PTPRD: variants seen among roughly 807,000 people sequenced by gnomAD.
PTPRD encodes the protein protein tyrosine phosphatase receptor type D, also known as receptor-type tyrosine-protein phosphatase delta.
A neutral mutation model predicts 214.5 loss-of-function variants in PTPRD; 34 were observed. The ratio of observed to expected loss-of-function variants is 0.16; its 90% confidence interval spans 0.12 to 0.21. The LOEUF (loss-of-function observed/expected upper bound fraction) is 0.21. PTPRD is among the 10% of genes least tolerant of loss of function. The pLI is 1.00. For missense variants in PTPRD, 2,545 were observed against 2,398.7 expected, an observed-to-expected ratio of 1.06 and a Z score of -1.27; for synonymous variants, 1,128 against 845.7, an observed-to-expected ratio of 1.33 and a Z score of -5.79.
chr9:8,785,315 C>G (rs925156128), intron 11 of PTPRD, among the ~76,000 whole-genome samples: 1 of 152,162 alleles, frequency 6.6e-6, no homozygotes, highest in African/African-American at 2.4e-5. Flanking sequence ...AGAGTTAGTG[C>G]AAAAGGAATT....
chr9:8,741,562 A>ATTT (rs2091929019), intron 11 of PTPRD, among the ~76,000 whole-genome samples: 3 of 74,112 alleles, frequency 4.0e-5, no homozygotes, highest in Non-Finnish European at 5.3e-5. Flanking sequence ...AATCTCAGGC[A>ATTT]TTTCTTTTTT....
intron 5 of PTPRD, among the ~76,000 whole-genome samples, chr9:9,837,500 A>G (rs951547672): frequency 6.6e-6 from 1 of 152,130 alleles, no homozygotes; most frequent in Non-Finnish European, 1.5e-5. Context: ...CGCATATAAA[A>G]GTCAAAAGGG....
chr9:9,273,443 T>C (rs1478340753), intron 9 of PTPRD, among the ~76,000 whole-genome samples: 1 of 151,300 alleles, frequency 6.6e-6, no homozygotes, highest in Non-Finnish European at 1.5e-5. Flanking sequence ...ATAGCAGATA[T>C]TGAGCAGAAC....
At chr9:9,047,997 A>C (rs1046223054) in intron 10 of PTPRD, among the ~76,000 whole-genome samples, 1 of 152,180 alleles carries the variant, frequency 6.6e-6, no homozygotes, top group Non-Finnish European at 1.5e-5. Context: ...AAAATATTTG[A>C]ATAGACATTT....
chr9:8,481,519 A>C (rs936404194), intron 30 of PTPRD, among the ~76,000 whole-genome samples: 1 of 151,814 alleles, frequency 6.6e-6, no homozygotes, highest in African/African-American at 2.4e-5. Flanking sequence ...AGTTTTCTGG[A>C]GTTTGGGGAG....
chr9:10,024,387 G>C (rs1278881245), intron 4 of PTPRD, among the ~76,000 whole-genome samples: 2 of 152,084 alleles, frequency 1.3e-5, no homozygotes, highest in African/African-American at 2.4e-5. Flanking sequence ...CTGGTGTCTT[G>C]AGAAAATGGA....
At chr9:9,545,373 A>C (rs1242469135) in intron 8 of PTPRD, among the ~76,000 whole-genome samples, 1 of 151,806 alleles carries the variant, frequency 6.6e-6, no homozygotes, top group Admixed American at 6.6e-5. Context: ...CGTCTTTTCT[A>C]GAATGTCATA....
intron 7 of PTPRD, among the ~76,000 whole-genome samples, chr9:9,721,989 T>C (rs150797366): frequency 1.3e-5 from 2 of 152,214 alleles, no homozygotes; most frequent in East Asian, 3.9e-4. Context: ...TTAAGGTATG[T>C]GTGAGTGTTA....
chr9:10,575,370 C>A (rs985507863), intron 2 of PTPRD, among the ~76,000 whole-genome samples: 1 of 151,962 alleles, frequency 6.6e-6, no homozygotes, highest in Admixed American at 6.6e-5. Context: ...AGTTCTTTCT[C>A]TAGGAAAAAA....
chr9:9,699,443 T>C (rs1012097023), intron 7 of PTPRD, among the ~76,000 whole-genome samples: 1 of 152,194 alleles, frequency 6.6e-6, no homozygotes, highest in African/African-American at 2.4e-5. Flanking sequence ...AATGCCTGAA[T>C]TGTAATATTA....
In PTPRD at chr9:10,463,216, G is replaced by C. The variant is rs576348832; in HGVS notation, c.-599-122199C>G. Reference sequence around the variant, plus strand: ...ATACGATAATTATAACTTGTTTCTGGGTGCTAGGATTACAAGCTTTTTGTT... The same window carrying C: ...ATACGATAATTATAACTTGTTTCTGCGTGCTAGGATTACAAGCTTTTTGTT... On this transcript the variant is annotated intron_variant, in intron 2 of 45. Coordinates refer to ENST00000381196, the MANE Select transcript of PTPRD (RefSeq NM_002839.4). 9.9e-5 allele frequency among the ~76,000 whole-genome samples: 15 copies of C among 151,972 alleles called. No individual in the cohort carries two copies. The East Asian group carries it at 2.9e-3, about 29-fold the overall frequency.
At chr9:10,371,588 T>A (rs1478796143) in intron 2 of PTPRD, among the ~76,000 whole-genome samples, 1 of 152,058 alleles carries the variant, frequency 6.6e-6, no homozygotes, top group East Asian at 1.9e-4. Flanking sequence ...CTTCTTCTCT[T>A]TTCTCCTGTA....
chr9:9,709,599 C>G (rs1057253798), intron 7 of PTPRD, among the ~76,000 whole-genome samples: 1 of 152,032 alleles, frequency 6.6e-6, no homozygotes, highest in Non-Finnish European at 1.5e-5. Flanking sequence ...AACCTTGCAT[C>G]TGCTTTATTA....
chr9:9,558,708 T>C (rs947491289), intron 8 of PTPRD, among the ~76,000 whole-genome samples: 1 of 152,212 alleles, frequency 6.6e-6, no homozygotes, highest in Non-Finnish European at 1.5e-5. Flanking sequence ...TATTAGCTAC[T>C]CCGTTTACAC....
intron 43 of PTPRD, among the ~76,000 whole-genome samples, chr9:8,333,840 A>T (rs543510667): frequency 2.0e-5 from 3 of 151,162 alleles, no homozygotes; most frequent in Admixed American, 6.6e-5. Flanking sequence ...AAGATCTACC[A>T]AGCAAATGGA....
At chr9:9,192,802 C>G (rs145037972) in intron 9 of PTPRD, among the ~76,000 whole-genome samples, 1 of 152,136 alleles carries the variant, frequency 6.6e-6, no homozygotes, top group African/African-American at 2.4e-5. Flanking sequence ...AGAAGAGCAA[C>G]TACAGAAAAT....
At chr9:8,601,409 A>T (rs546248618) in intron 14 of PTPRD, among the ~76,000 whole-genome samples, 1 of 152,160 alleles carries the variant, frequency 6.6e-6, no homozygotes, top group African/African-American at 2.4e-5. Flanking sequence ...TAGCCAGGTA[A>T]TGGTTACAGC....
chr9:8,357,394 C>A (rs889947624), intron 39 of PTPRD, among the ~76,000 whole-genome samples: 4 of 152,202 alleles, frequency 2.6e-5, no homozygotes. Flanking sequence ...GCCTTGGCAG[C>A]CTCACTCATG....
intron 9 of PTPRD, among the ~76,000 whole-genome samples, chr9:9,337,785 A>T (rs1022981235): frequency 1.3e-5 from 2 of 152,178 alleles, no homozygotes; most frequent in Non-Finnish European, 2.9e-5. Flanking sequence ...CTTGATAACT[A>T]TATTATGAGT....
Sources: gnomAD v4.1 joint callset for allele counts (sites outside exome capture counted in the v4.1 genomes callset) on GRCh38, gnomAD v4.1.1 for gene constraint, MANE v1.5 for transcripts, NCBI Gene and HGNC (gene_info 2026-07-23, HGNC 2026-07-21) for gene names.